The following PPP1R12A variants were observed in gnomAD, a reference collection of about 807,000 sequenced individuals.
PPP1R12A encodes myosin binding subunit.
In PPP1R12A, 19 loss-of-function variants were observed where a neutral mutation model predicts 139.6. That is an observed-to-expected ratio of 0.14 (90% CI 0.09 to 0.20). The LOEUF (loss-of-function observed/expected upper bound fraction) is 0.20. Ranked by LOEUF, PPP1R12A falls within the 10% of genes least tolerant of loss-of-function variation. The probability of loss-of-function intolerance (pLI) is 1.00; values close to 1 mark genes in which losing one functional copy is unlikely to be tolerated. For synonymous variants in PPP1R12A, 427 were observed against 420.6 expected (o/e 1.02, Z -0.19); for missense variants, 925 against 1,211.5 (o/e 0.76, Z 3.51).
intron 22 of PPP1R12A, among the ~76,000 whole-genome samples, chr12:79,784,011 G>A (rs970773773): frequency 2.6e-5 from 4 of 152,110 alleles, no homozygotes; most frequent in Non-Finnish European, 5.9e-5. Context: ...CAAGAGTCAA[G>A]GATTCCAGAG....
intron 11 of PPP1R12A, 101 bp downstream of exon 11, chr12:79,808,382 A>G: frequency 1.2e-6 from 1 of 808,576 alleles, no homozygotes; most frequent in Middle Eastern, 2.8e-4. Flanking sequence ...CTCTTCCCAC[A>G]ATACATATCC....
intron 2 of PPP1R12A, among the ~76,000 whole-genome samples, chr12:79,853,196 C>T (rs1040414554): frequency 6.6e-6 from 1 of 152,132 alleles, no homozygotes; most frequent in African/African-American, 2.4e-5. Context: ...AATGGTTATT[C>T]TCAAAAAGTT....
chr12:79,824,760 G>A (rs1367366237), intron 5 of PPP1R12A, among the ~76,000 whole-genome samples: 3 of 152,022 alleles, frequency 2.0e-5, no homozygotes. Flanking sequence ...CACATTTATA[G>A]TATATAAGCA....
At chr12:79,813,450 T>C (rs746257324) in intron 9 of PPP1R12A, among the ~76,000 whole-genome samples, 43 of 152,204 alleles carry the variant, frequency 2.8e-4, no homozygotes, top group Admixed American at 2.2e-3. Context: ...CCACAGCACA[T>C]AGCAGTCTTT....
intron 1 of PPP1R12A, among the ~76,000 whole-genome samples, chr12:79,876,158 G>T (rs116528473): frequency 0.015 from 2,238 of 152,132 alleles, 60 homozygotes; most frequent in African/African-American, 0.052. Flanking sequence ...GCCTTTCTTG[G>T]ACAGCATACT....
At chr12:79,907,597 C>T (rs1317105657) in intron 1 of PPP1R12A, among the ~76,000 whole-genome samples, 1 of 152,172 alleles carries the variant, frequency 6.6e-6, no homozygotes, top group Non-Finnish European at 1.5e-5. Context: ...AACTTTATTA[C>T]TGTTTATAAA....
In PPP1R12A at chr12:79,774,500, G is replaced by A. The variant is rs1173567086; in HGVS notation, c.*1429C>T. The A allele has an allele frequency of 6.6e-6, 1 of 152,470 alleles. No individual in the cohort carries two copies. Among genetic ancestry groups the A allele is most frequent in the African/African-American group, 2.4e-5 (1 of 41,400 alleles). 9.4% of individuals were successfully genotyped at this position (152,470 alleles called of 1,614,324 possible). A position where few individuals can be genotyped will look rare whatever the true frequency, so the allele number is the denominator to read the frequency against. ...TACAATTTATTCAAATGGCTGAACT[G>A]TTCAGTGGTTAAGGAGACAGTTATG... On this transcript the variant is annotated 3_prime_UTR_variant, in exon 25 of 25. Transcript: ENST00000450142.
intron 22 of PPP1R12A, among the ~76,000 whole-genome samples, chr12:79,784,131 A>G (rs1870812905): frequency 6.6e-6 from 1 of 152,106 alleles, no homozygotes; most frequent in Admixed American, 6.6e-5. Context: ...ATATTTGTGT[A>G]TTTGTGAATA....
intron 1 of PPP1R12A, among the ~76,000 whole-genome samples, chr12:79,882,263 G>A (rs970114423): frequency 6.6e-6 from 1 of 152,192 alleles, no homozygotes; most frequent in Non-Finnish European, 1.5e-5. Flanking sequence ...CTTTTGGAAA[G>A]AATTCACTAT....
chr12:79,880,572 G>T (rs1315275121), intron 1 of PPP1R12A, among the ~76,000 whole-genome samples: 2 of 152,160 alleles, frequency 1.3e-5, no homozygotes, highest in South Asian at 2.1e-4. Flanking sequence ...GGTGGCTCAA[G>T]TAAGTAGTAG....
chr12:79,802,385 C>T (rs115311466), intron 14 of PPP1R12A, among the ~76,000 whole-genome samples: 1 of 152,230 alleles, frequency 6.6e-6, no homozygotes, highest in Non-Finnish European at 1.5e-5. Flanking sequence ...ATTTATGTAC[C>T]TACTGGCCCT....
At chr12:79,816,438 G>A (rs1216263725) in intron 9 of PPP1R12A, among the ~76,000 whole-genome samples, 1 of 151,908 alleles carries the variant, frequency 6.6e-6, no homozygotes, top group Non-Finnish European at 1.5e-5. Context: ...TGGACAGAGA[G>A]GGAAATGATA....
At chr12:79,787,959 C>T (rs921779613) in intron 21 of PPP1R12A, 4 of 152,226 alleles carry the variant, frequency 2.6e-5, no homozygotes, top group Non-Finnish European at 4.4e-5. Flanking sequence ...CCCACAAGAG[C>T]AAGATAGTAT....
chr12:79,891,072 G>T (rs1884598736), intron 1 of PPP1R12A, among the ~76,000 whole-genome samples: 1 of 151,884 alleles, frequency 6.6e-6, no homozygotes, highest in South Asian at 2.1e-4. Context: ...GAAGGCAGGG[G>T]GGAACTACAT....
chr12:79,831,117 C>T (rs1291270948), intron 4 of PPP1R12A, among the ~76,000 whole-genome samples: 2 of 151,974 alleles, frequency 1.3e-5, no homozygotes, highest in Non-Finnish European at 2.9e-5. Flanking sequence ...ACAATTCTTA[C>T]CTTTATGTAA....
intron 1 of PPP1R12A, among the ~76,000 whole-genome samples, 195 bp downstream of exon 1, chr12:79,934,500 A>AG (rs1403332202): frequency 2.6e-5 from 4 of 152,152 alleles, no homozygotes; most frequent in South Asian, 2.1e-4. Flanking sequence ...ACTGTTCTGA[A>AG]GGGGGGCCTC....
chr12:79,909,991 C>T (rs1886435571), intron 1 of PPP1R12A, among the ~76,000 whole-genome samples: 2 of 151,862 alleles, frequency 1.3e-5, no homozygotes, highest in African/African-American at 4.8e-5. Flanking sequence ...TGAGCCACCC[C>T]GCCCAGCCTG....
intron 4 of PPP1R12A, 34 bp downstream of exon 4, chr12:79,832,296 CTA>C (rs1189888010): frequency 1.3e-6 from 2 of 1,538,458 alleles, no homozygotes; most frequent in Non-Finnish European, 1.7e-6. Context: ...AGAAGACAAA[CTA>C]AAATAGAAAA....
Position 79,778,442 on chromosome 12 carries a change from T to C in PPP1R12A, c.3006+108A>G, listed in dbSNP as rs556325163. On this transcript the variant is annotated intron_variant, in intron 24 of 24. Coordinates refer to ENST00000450142, the MANE Select transcript of PPP1R12A (RefSeq NM_002480.3). ...GCACCAGATATAGACAGTTCACAAA[T>C]TGGGTAATCAGCTTTGAGAACAATT... 2.2e-5 allele frequency: 16 copies of C among 728,122 alleles called. No homozygotes were observed. In the Middle Eastern group the frequency reaches 1.4e-3, roughly 62 times the overall value. 45.1% of individuals were successfully genotyped at this position (728,122 alleles called of 1,614,324 possible).
Sources: allele counts gnomAD v4.1 joint callset (sites outside exome capture counted in the v4.1 genomes callset), GRCh38; gene constraint gnomAD v4.1.1; transcripts MANE v1.5; gene names NCBI Gene and HGNC (gene_info 2026-07-23, HGNC 2026-07-21).